The following ASIC2 variants were observed in gnomAD, a reference collection of about 807,000 sequenced individuals.
ASIC2 encodes acid-sensing ion channel 2.
Under a neutral mutation model 57.3 loss-of-function variants are expected in ASIC2, and 25 were observed. The ratio of observed to expected loss-of-function variants is 0.44; its 90% CI spans 0.32 to 0.61. ASIC2 has a LOEUF of 0.61. ASIC2 is among the 20% of genes least tolerant of loss of function. The pLI is 0.06. For synonymous variants in ASIC2, 319 were observed against 307.5 expected, an observed-to-expected ratio of 1.04 and a Z score of -0.39; for missense variants, 641 against 738.1, an observed-to-expected ratio of 0.87 and a Z score of 1.52.
chr17:34,030,552 C>T (rs113190710), intron 1 of ASIC2, among the ~76,000 whole-genome samples: 21,051 of 152,128 alleles, frequency 0.14, 1,601 homozygotes, highest in East Asian at 0.29. Context: ...TGAAGTAGGG[C>T]GAGGCATCGC....
At chr17:34,084,575 G>A (rs966679287) in intron 1 of ASIC2, among the ~76,000 whole-genome samples, 17 of 152,166 alleles carry the variant, frequency 1.1e-4, no homozygotes, top group Non-Finnish European at 2.1e-4. Flanking sequence ...CCAATTCTGT[G>A]AAGAAAGTCA....
intron 1 of ASIC2, among the ~76,000 whole-genome samples, chr17:33,399,229 T>C (rs1332858106): frequency 6.6e-6 from 1 of 152,148 alleles, no homozygotes; most frequent in Non-Finnish European, 1.5e-5. Context: ...GCCCCTGGGC[T>C]CTACTTATAA....
At chr17:33,413,316 T>C (rs1457506498) in intron 1 of ASIC2, among the ~76,000 whole-genome samples, 3 of 152,256 alleles carry the variant, frequency 2.0e-5, no homozygotes, top group Admixed American at 2.0e-4. Flanking sequence ...TTTGTTTTTA[T>C]TGAGAGCTTT....
chr17:33,263,192 C>T (rs546362667), intron 1 of ASIC2, among the ~76,000 whole-genome samples: 3 of 152,176 alleles, frequency 2.0e-5, no homozygotes, highest in African/African-American at 7.2e-5. Context: ...AAAGACAAGC[C>T]GGGGACCTCT....
chr17:33,405,255 T>C (rs1472261110), intron 1 of ASIC2, among the ~76,000 whole-genome samples: 2 of 152,118 alleles, frequency 1.3e-5, no homozygotes, highest in Non-Finnish European at 2.9e-5. Flanking sequence ...CAAATAGAAT[T>C]GCATGGTAGG....
At chr17:33,964,481 G>A (rs999607048) in intron 1 of ASIC2, among the ~76,000 whole-genome samples, 5 of 152,366 alleles carry the variant, frequency 3.3e-5, no homozygotes, top group African/African-American at 1.2e-4. Context: ...ATGGTAAAAT[G>A]AGGAAATAAC....
chr17:33,828,165 A>G (rs1222808228), intron 1 of ASIC2: 1 of 152,198 alleles, frequency 6.6e-6, no homozygotes, highest in Non-Finnish European at 1.5e-5. Flanking sequence ...GCTATTGACA[A>G]TAGTTCTGCA....
At chr17:33,983,553 C>T (rs1277828918) in intron 1 of ASIC2, among the ~76,000 whole-genome samples, 1 of 152,170 alleles carries the variant, frequency 6.6e-6, no homozygotes, top group Non-Finnish European at 1.5e-5. Flanking sequence ...ACTGAGGCCT[C>T]TTCTCAGTCT....
At chr17:33,822,360 T>C (rs6505381) in intron 1 of ASIC2, among the ~76,000 whole-genome samples, 123,434 of 152,106 alleles carry the variant, frequency 0.81, 50,443 homozygotes, top group African/African-American at 0.85. Context: ...GTGTATGTAT[T>C]TTCCGTGAGG....
intron 1 of ASIC2, among the ~76,000 whole-genome samples, chr17:33,455,937 T>G (rs886637778): frequency 3.3e-5 from 5 of 152,094 alleles, no homozygotes; most frequent in African/African-American, 1.2e-4. Flanking sequence ...TCCAATGGTG[T>G]CATTTTTAAG....
At chr17:33,430,897 C>T (rs1911391805) in intron 1 of ASIC2, among the ~76,000 whole-genome samples, 1 of 152,288 alleles carries the variant, frequency 6.6e-6, no homozygotes, top group Non-Finnish European at 1.5e-5. Flanking sequence ...TGTCCATGCA[C>T]ATTGGGTAAT....
At chr17:33,432,756 AC>A (rs1185804017) in intron 1 of ASIC2, among the ~76,000 whole-genome samples, 3 of 152,176 alleles carry the variant, frequency 2.0e-5, no homozygotes, top group African/African-American at 7.2e-5. Flanking sequence ...ATGAACAGAC[AC>A]TTTTCAAAAG....
intron 1 of ASIC2, among the ~76,000 whole-genome samples, chr17:33,487,204 C>T (rs1913602067): frequency 6.6e-6 from 1 of 152,224 alleles, no homozygotes; most frequent in African/African-American, 2.4e-5. Context: ...GCAATGGTTC[C>T]CTTTTACCAA....
intron 1 of ASIC2, among the ~76,000 whole-genome samples, chr17:34,072,610 G>C (rs1909459656): frequency 6.6e-6 from 1 of 152,184 alleles, no homozygotes. Flanking sequence ...ACCTAGAGAT[G>C]AATAAAAGTT....
In ASIC2 at chr17:33,110,788, G is replaced by A. The variant is rs942219535; in HGVS notation, c.859+1129C>T. ...ACTCAAGGCACAGGGGTGGCAACAG[G>A]TAGGGGCTGGGCTACTGGGGCTCCA... On this transcript the variant is annotated intron_variant, in intron 2 of 9. Transcript: ENST00000225823. Among the ~76,000 whole-genome samples the A allele has an allele frequency of 2.0e-5, 3 of 152,102 alleles. No individual in the cohort carries two copies. The South Asian group carries it at 6.2e-4, about 32-fold the overall frequency.
At chr17:33,757,605 C>T (rs572533479) in intron 1 of ASIC2, among the ~76,000 whole-genome samples, 1 of 152,330 alleles carries the variant, frequency 6.6e-6, no homozygotes, top group South Asian at 2.1e-4. Context: ...GCTGACCCCA[C>T]AACAAATACA....
intron 1 of ASIC2, among the ~76,000 whole-genome samples, chr17:33,910,695 G>A (rs1422050525): frequency 6.6e-6 from 1 of 152,150 alleles, no homozygotes; most frequent in South Asian, 2.1e-4. Flanking sequence ...CACAGAGCAG[G>A]CACTCAATAA....
intron 1 of ASIC2, among the ~76,000 whole-genome samples, chr17:34,035,592 G>C (rs1262885847): frequency 1.3e-5 from 2 of 152,010 alleles, no homozygotes; most frequent in Non-Finnish European, 2.9e-5. Flanking sequence ...GGAGTGAACA[G>C]GCAACCTACA....
chr17:33,775,089 G>A (rs1033422027), intron 1 of ASIC2, among the ~76,000 whole-genome samples: 36 of 152,306 alleles, frequency 2.4e-4, no homozygotes, highest in Admixed American at 1.8e-3. Flanking sequence ...GCTTGGAAGC[G>A]ATCCCATCCG....
Sources: gnomAD v4.1 joint callset for allele counts (sites outside exome capture counted in the v4.1 genomes callset) on GRCh38, gnomAD v4.1.1 for gene constraint, MANE v1.5 for transcripts, NCBI Gene and HGNC (gene_info 2026-07-23, HGNC 2026-07-21) for gene names.